The following KRT6C variants were observed in gnomAD, a reference collection of about 807,000 sequenced individuals.
KRT6C encodes keratin, type II cytoskeletal 6C.
In KRT6C, 46 loss-of-function variants were observed where a neutral mutation model predicts 49.4. The ratio of observed to expected loss-of-function variants is 0.93; its 90% CI spans 0.74 to 1.19. The LOEUF is 1.19. KRT6C is among the 50% of genes most tolerant of loss of function. The probability of loss-of-function intolerance (pLI) is 0.00; values close to 1 mark genes in which losing one functional copy is unlikely to be tolerated. For missense variants in KRT6C, 552 were observed against 737.5 expected, an observed-to-expected ratio of 0.75 and a Z score of 2.91; for synonymous variants, 236 against 297.1, an observed-to-expected ratio of 0.79 and a Z score of 2.12.
chr12:52,470,369 T>G, intron 6 of KRT6C, 136 bp downstream of exon 6: 1 of 1,496,866 alleles, frequency 6.7e-7, no homozygotes, highest in Non-Finnish European at 9.2e-7. Context: ...GAGTTCTCAC[T>G]GAGGGCAAGA....
chr12:52,471,762 G>A (rs1240978185), intron 2 of KRT6C, 30 bp from the exon 3 acceptor site: 3 of 1,613,622 alleles, frequency 1.9e-6, no homozygotes, highest in South Asian at 2.2e-5. Flanking sequence ...GGACACATAT[G>A]AGCCAGTGGG....
In KRT6C at chr12:52,473,687, AC is replaced by A; in HGVS notation, c.50del (p.Gly17ValfsTer129). The A allele has an allele frequency of 1.9e-6, 3 of 1,613,096 alleles. No homozygotes were observed. In the South Asian group the frequency reaches 3.3e-5, roughly 18 times the overall value. ...TIRSHSSSRR[G>X]FSANSARLPG... ...GGAGCCTGGCTGAGTTGGCACTGAAACCCCGGCGGCTGCTGCTGTGGCTCCT... is the reference window on the plus strand; with the variant it reads ...GGAGCCTGGCTGAGTTGGCACTGAAACCCGGCGGCTGCTGCTGTGGCTCCT... On this transcript the variant is annotated frameshift_variant, in exon 1 of 9. Coordinates refer to ENST00000252250, the MANE Select transcript of KRT6C (RefSeq NM_173086.5). LOFTEE classifies it high-confidence loss of function.
chr12:52,470,666 C>A (rs201353060), intron 5 of KRT6C, 36 bp from the exon 6 acceptor site: 2 of 1,613,684 alleles, frequency 1.2e-6, no homozygotes, highest in South Asian at 1.1e-5. Context: ...ACAGTGTCTA[C>A]GGGTTCTTAC....
In KRT6C at chr12:52,471,667, C is replaced by G; in HGVS notation, c.816+5G>C. The G allele has an allele frequency of 6.2e-7, 1 of 1,612,920 alleles. No homozygotes were observed. Among genetic ancestry groups the G allele is most frequent in the African/African-American group, 1.3e-5 (1 of 74,610 alleles). The stretch of plus-strand genomic sequence containing the variant: ...GAATTTGAACCCCCGGCTTCATCTG[C>G]TCACCTTCTTCAGAGTCACAAATTC... On this transcript the variant is annotated splice_donor_5th_base_variant and intron_variant, in intron 3 of 8. Coordinates refer to ENST00000252250, the MANE Select transcript of KRT6C (RefSeq NM_173086.5).
At position 52,468,975 on chromosome 12, in the gene KRT6C, C is replaced by A; in HGVS notation, c.*87G>T. 6.4e-7 allele frequency: 1 copy of A among 1,560,268 alleles called. No individual in the cohort carries two copies. The highest frequency in any genetic ancestry group is 8.8e-7 in the Non-Finnish European group (1 of 1,135,738). On this transcript the variant is annotated 3_prime_UTR_variant, in exon 9 of 9. Coordinates refer to ENST00000252250, the MANE Select transcript of KRT6C (RefSeq NM_173086.5). ...CTCGGAGAGCAGGGAAGACTAGAGGCCAGGAGAGGATAGGCAACCTGAGGA... is the reference window on the plus strand; with the variant it reads ...CTCGGAGAGCAGGGAAGACTAGAGGACAGGAGAGGATAGGCAACCTGAGGA...
intron 6 of KRT6C, 92 bp from the exon 7 acceptor site, chr12:52,469,982 A>T (rs1937845696): frequency 7.3e-7 from 1 of 1,379,010 alleles, no homozygotes; most frequent in African/African-American, 1.4e-5. Context: ...GTAACCCAAA[A>T]TTGACAGAGA....
chr12:52,472,643 ATT>A (rs1449599567), intron 1 of KRT6C, among the ~76,000 whole-genome samples: 1 of 135,408 alleles, frequency 7.4e-6, no homozygotes, highest in Admixed American at 7.4e-5. Flanking sequence ...TAGGAGAGAT[ATT>A]ATATGTTGAC....
Position 52,469,106 on chromosome 12 carries a change from AC to A in KRT6C, c.1650del (p.Lys550AsnfsTer47), listed in dbSNP as rs1207272571. On this transcript the variant is annotated frameshift_variant, in exon 9 of 9. Coordinates refer to ENST00000252250, the MANE Select transcript of KRT6C (RefSeq NM_173086.5). LOFTEE classifies it high-confidence loss of function. ...CTGCTGGAGGAGGAGGTGGTGGTGTACTTGATGGTGGAACTGCCGCCTCCAA... is the reference window on the plus strand; with the variant it reads ...CTGCTGGAGGAGGAGGTGGTGGTGTATTGATGGTGGAACTGCCGCCTCCAA... Reference protein sequence around the residue: ...SSVGGGSSTIKYTTTSSSSRK... With the variant: ...SSVGGGSSTIXYTTTSSSSRK... 2 of 1,614,050 alleles carry A rather than the reference AC, an allele frequency of 1.2e-6. No individual in the cohort carries two copies. The highest frequency in any genetic ancestry group is 3.3e-5 in the Admixed American group (2 of 60,024).
In KRT6C at chr12:52,471,338, T is replaced by C. The variant is rs748589211; in HGVS notation, c.913-42A>G. On this transcript the variant is annotated intron_variant, in intron 4 of 8. Transcript: ENST00000252250. ...CATAAGATCAACTTCACATCTGACA[T>C]TTACAGAGATACCCAACCCTATACA... is the stretch of plus-strand genomic sequence containing the variant. 1.9e-6 allele frequency: 3 copies of C among 1,614,044 alleles called. No homozygotes were observed. The Admixed American group carries it at 5.0e-5, about 27-fold the overall frequency.
intron 1 of KRT6C, among the ~76,000 whole-genome samples, chr12:52,472,647 T>G (rs143680747): frequency 0.016 from 2,174 of 132,110 alleles, 160 homozygotes; most frequent in African/African-American, 0.051. Flanking sequence ...AGAGATATTA[T>G]ATGTTGACTC....
At position 52,473,649 on chromosome 12, in the gene KRT6C, C is replaced by T. The variant is rs1337826593; in HGVS notation, c.89G>A (p.Arg30His). ...ANSARLPGVS[R>H]SGFSSISVSR... is the part of the protein sequence containing the mutation. ...CACGGAGATGCTGCTGAAGCCAGAG[C>T]GGCTGACCCCAGGGAGCCTGGCTGA... Residue 30 changes from arginine to histidine, a missense_variant, in exon 1 of 9, where the codon CGC (arginine) becomes CAC (histidine). Transcript: ENST00000252250. The T allele has an allele frequency of 9.9e-6, 16 of 1,612,024 alleles. No individual in the cohort carries two copies. The highest frequency in any genetic ancestry group is 1.3e-5 in the African/African-American group (1 of 74,556).
chr12:52,470,901 T>C (rs1168861696), intron 5 of KRT6C, among the ~76,000 whole-genome samples: 2 of 152,162 alleles, frequency 1.3e-5, no homozygotes, highest in Non-Finnish European at 2.9e-5. Flanking sequence ...TGAAGATAAA[T>C]GCAGAGATGA....
At position 52,471,658 on chromosome 12, in the gene KRT6C, C is replaced by T. The variant is rs370076887; in HGVS notation, c.816+14G>A. ...CTTCTAAATGAATTTGAACCCCCGG[C>T]TTCATCTGCTCACCTTCTTCAGAGT... On this transcript the variant is annotated intron_variant, in intron 3 of 8. Coordinates refer to ENST00000252250, the MANE Select transcript of KRT6C (RefSeq NM_173086.5). 11 of 1,611,580 alleles carry T rather than the reference C, an allele frequency of 6.8e-6. No homozygotes were observed. In the African/African-American group the frequency reaches 1.2e-4, roughly 18 times the overall value.
Position 52,471,974 on chromosome 12 carries a change from C to G in KRT6C, c.755+92G>C, listed in dbSNP as rs1565809447. ...AGGGACTAATTTGTGCTTTTCATTT[C>G]CATGGACATGGGTTGTTAGGAATCC... On this transcript the variant is annotated intron_variant, in intron 2 of 8. Transcript: ENST00000252250. 21 of 1,258,704 alleles carry G rather than the reference C, an allele frequency of 1.7e-5. 1 individual carries two copies. The highest frequency in any genetic ancestry group is 2.3e-5 in the Non-Finnish European group (20 of 866,114). 78.0% of individuals were successfully genotyped at this position (1,258,704 alleles called of 1,614,324 possible).
At chr12:52,471,059 G>A (rs604303) in intron 5 of KRT6C, 73 bp downstream of exon 5, 548,378 of 1,611,122 alleles carry the variant, frequency 0.34, 98,760 homozygotes, top group East Asian at 0.55. Flanking sequence ...GATGTCCCCA[G>A]TGAAGTCTGC....
In KRT6C at chr12:52,470,446, A is replaced by T. The variant is rs1233182862; in HGVS notation, c.1203+59T>A. ...GAATTATATCAAATAATGGCTAATG[A>T]CTGCCTGATGGGTCTAGCAAAAAAT... is the stretch of plus-strand genomic sequence containing the variant. On this transcript the variant is annotated intron_variant, in intron 6 of 8. Coordinates refer to ENST00000252250, the MANE Select transcript of KRT6C (RefSeq NM_173086.5). The T allele has an allele frequency of 2.5e-6, 4 of 1,613,644 alleles. No homozygotes were observed. In the East Asian group the frequency reaches 8.9e-5, roughly 36 times the overall value.
At chr12:52,471,321 C>A in intron 4 of KRT6C, 25 bp from the exon 5 acceptor site, 1 of 1,614,202 alleles carries the variant, frequency 6.2e-7, no homozygotes, top group Non-Finnish European at 8.5e-7. Context: ...GTCATAAGAT[C>A]AACTTCACAT....
At chr12:52,470,475 G>C (rs1377206618) in intron 6 of KRT6C, 30 bp downstream of exon 6, 1 of 1,614,132 alleles carries the variant, frequency 6.2e-7, no homozygotes, top group Admixed American at 1.7e-5. Context: ...AAAAAATGAT[G>C]CTTCTTTCCT....
chr12:52,472,531 A>G (rs1459764727), intron 1 of KRT6C, among the ~76,000 whole-genome samples: 1 of 134,954 alleles, frequency 7.4e-6, no homozygotes, highest in African/African-American at 2.5e-5. Flanking sequence ...GTGAGTTTCA[A>G]CATTTCTTCT....
Sources: allele counts gnomAD v4.1 joint callset (sites outside exome capture counted in the v4.1 genomes callset), GRCh38; gene constraint gnomAD v4.1.1; transcripts MANE v1.5; gene names NCBI Gene and HGNC (gene_info 2026-07-23, HGNC 2026-07-21).